Variants in AOPEP observed in about 807,000 individuals in gnomAD.
AOPEP encodes aminopeptidase O.
In AOPEP, 77 loss-of-function variants were observed where a neutral mutation model predicts 98.1. The ratio of observed to expected loss-of-function variants is 0.78; its 90% CI spans 0.65 to 0.95. The LOEUF (loss-of-function observed/expected upper bound fraction) is 0.95. Ranked by LOEUF, AOPEP falls within the 40% of genes least tolerant of loss-of-function variation. AOPEP has a pLI of 0.00. For synonymous variants in AOPEP, 346 were observed against 365.3 expected, an observed-to-expected ratio of 0.95 and a Z score of 0.60; for missense variants, 1,024 against 1,024.7, an observed-to-expected ratio of 1.00 and a Z score of 0.01.
chr9:95,081,724 C>T (rs1334735660), intron 15 of AOPEP, among the ~76,000 whole-genome samples: 1 of 152,174 alleles, frequency 6.6e-6, no homozygotes, highest in Admixed American at 6.5e-5. Context: ...GAATTCACTG[C>T]AGTATATTTA....
intron 5 of AOPEP, among the ~76,000 whole-genome samples, chr9:94,905,632 G>A (rs1213660927): frequency 6.6e-6 from 1 of 152,000 alleles, no homozygotes; most frequent in Non-Finnish European, 1.5e-5. Context: ...ATTGGAGGTT[G>A]CTCACCTCAC....
intron 1 of AOPEP, among the ~76,000 whole-genome samples, chr9:94,749,023 C>G (rs1017337772): frequency 6.6e-6 from 1 of 152,178 alleles, no homozygotes; most frequent in Admixed American, 6.5e-5. Context: ...GAATTAAGTT[C>G]TACATCTTTG....
chr9:95,125,686 T>C, the AOPEP span, among the ~76,000 whole-genome samples: 1 of 152,218 alleles, frequency 6.6e-6, no homozygotes, highest in Non-Finnish European at 1.5e-5. Flanking sequence ...AACTCTCAAA[T>C]TTTGCTAGCT....
intron 11 of AOPEP, among the ~76,000 whole-genome samples, chr9:95,000,727 A>C: frequency 6.6e-6 from 1 of 152,286 alleles, no homozygotes; most frequent in Admixed American, 6.5e-5. Context: ...TAAATAAATA[A>C]ACCAAATTTA....
At chr9:94,762,378 C>G (rs992891394) in intron 2 of AOPEP, among the ~76,000 whole-genome samples, 10 of 151,226 alleles carry the variant, frequency 6.6e-5, no homozygotes, top group African/African-American at 2.4e-4. Flanking sequence ...ACCCGGGAGG[C>G]AGAGCTTGCA....
chr9:94,834,293 T>G (rs2041274933), intron 5 of AOPEP, among the ~76,000 whole-genome samples: 1 of 152,088 alleles, frequency 6.6e-6, no homozygotes, highest in African/African-American at 2.4e-5. Context: ...AGAGAGAGAT[T>G]GGGAGAACTG....
chr9:94,755,774 T>C (rs1409152175), intron 1 of AOPEP, among the ~76,000 whole-genome samples: 2 of 152,222 alleles, frequency 1.3e-5, no homozygotes, highest in Non-Finnish European at 2.9e-5. Context: ...GTGGGAAATG[T>C]TCTGTTAGTG....
chr9:95,107,241 A>T, the AOPEP span: 4 of 1,614,078 alleles, frequency 2.5e-6, no homozygotes, highest in Non-Finnish European at 3.4e-6. Flanking sequence ...CATTGCCAGG[A>T]GGTGGCCCAG....
chr9:94,942,311 A>G (rs1433086879), intron 7 of AOPEP, among the ~76,000 whole-genome samples: 1 of 152,216 alleles, frequency 6.6e-6, no homozygotes, highest in African/African-American at 2.4e-5. Context: ...TTTGTTCCAC[A>G]GAGTATTTGC....
At chr9:94,948,219 C>A (rs1012749161) in intron 7 of AOPEP, among the ~76,000 whole-genome samples, 1 of 152,018 alleles carries the variant, frequency 6.6e-6, no homozygotes, top group East Asian at 1.9e-4. Flanking sequence ...ATTCCTTAGG[C>A]ACAGACCTAA....
intron 5 of AOPEP, among the ~76,000 whole-genome samples, chr9:94,881,267 C>CA (rs1416182150): frequency 1.2e-4 from 18 of 146,954 alleles, no homozygotes; most frequent in African/African-American, 3.8e-4. Flanking sequence ...TTTTTTAAGA[C>CA]ACAGGATCTG....
chr9:94,744,342 G>T (rs529234490), intron 1 of AOPEP, among the ~76,000 whole-genome samples: 1 of 152,024 alleles, frequency 6.6e-6, no homozygotes, highest in African/African-American at 2.4e-5. Context: ...GCAGTGAGCC[G>T]AGATCGTGCC....
chr9:94,738,419 GTGTT>G (rs1832259393), intron 1 of AOPEP, among the ~76,000 whole-genome samples: 1 of 152,320 alleles, frequency 6.6e-6, no homozygotes, highest in South Asian at 2.1e-4. Context: ...CTGACATGAA[GTGTT>G]TGTGTAGTGG....
chr9:95,118,398 C>A, the AOPEP span, among the ~76,000 whole-genome samples: 18 of 152,352 alleles, frequency 1.2e-4, no homozygotes, highest in Non-Finnish European at 1.5e-5. Flanking sequence ...GCTATCTATG[C>A]CCCCAAGGGG....
chr9:94,829,434 A>G (rs1310020046), intron 5 of AOPEP, among the ~76,000 whole-genome samples: 2 of 152,160 alleles, frequency 1.3e-5, no homozygotes, highest in Admixed American at 1.3e-4. Flanking sequence ...ATTCTTCCAA[A>G]AGCATCTTGA....
At chr9:94,736,382 T>C (rs1227749730) in intron 1 of AOPEP, among the ~76,000 whole-genome samples, 1 of 152,258 alleles carries the variant, frequency 6.6e-6, no homozygotes, top group East Asian at 1.9e-4. Context: ...AAATAGTTTC[T>C]ATTAAAAATA....
chr9:94,926,962 A>G (rs1286969900), intron 6 of AOPEP, among the ~76,000 whole-genome samples: 1 of 152,194 alleles, frequency 6.6e-6, no homozygotes, highest in Admixed American at 6.5e-5. Flanking sequence ...TCACAGACAT[A>G]TTAGTCTGCT....
the AOPEP span, among the ~76,000 whole-genome samples, chr9:95,148,806 T>C: frequency 6.6e-6 from 1 of 152,230 alleles, no homozygotes; most frequent in African/African-American, 2.4e-5. Flanking sequence ...ACTGACATAA[T>C]TTCAGATTCC....
intron 13 of AOPEP, among the ~76,000 whole-genome samples, chr9:95,057,753 G>A (rs1406701296): frequency 1.3e-5 from 2 of 152,064 alleles, no homozygotes; most frequent in African/African-American, 4.8e-5. Flanking sequence ...TTCCCCCCAT[G>A]AGTTAGAATA....
Sources: allele counts gnomAD v4.1 joint callset (sites outside exome capture counted in the v4.1 genomes callset), GRCh38; gene constraint gnomAD v4.1.1; transcripts MANE v1.5; gene names NCBI Gene and HGNC (gene_info 2026-07-23, HGNC 2026-07-21).